The following CTNNA2 variants were observed in gnomAD, a reference collection of about 807,000 sequenced individuals.
The protein encoded by CTNNA2 is catenin alpha 2, also known as catenin alpha-2.
In CTNNA2, 42 loss-of-function variants were observed where a neutral mutation model predicts 101.0. The observed-to-expected ratio is 0.42, with a 90% CI of 0.32 to 0.54. The LOEUF is 0.54. CTNNA2 is among the 20% of genes least tolerant of loss of function. The pLI, the probability that CTNNA2 is intolerant of heterozygous loss-of-function variation, is 0.14. For missense variants in CTNNA2, 871 were observed against 1,223.1 expected (o/e 0.71, Z 4.29); for synonymous variants, 450 against 456.4 (o/e 0.99, Z 0.18).
intron 3 of CTNNA2, among the ~76,000 whole-genome samples, chr2:79,323,322 G>A (rs965135690): frequency 1.3e-5 from 2 of 152,144 alleles, no homozygotes; most frequent in African/African-American, 4.8e-5. Flanking sequence ...TATTAAAGAT[G>A]AGAAAAGTGC....
chr2:79,476,808 C>G (rs576910678), intron 4 of CTNNA2, among the ~76,000 whole-genome samples: 3 of 152,200 alleles, frequency 2.0e-5, no homozygotes, highest in Non-Finnish European at 4.4e-5. Context: ...CTTTGCCATC[C>G]CATTCAGGTC....
At chr2:79,507,011 T>G (rs572316998) in intron 5 of CTNNA2, among the ~76,000 whole-genome samples, 31 of 152,300 alleles carry the variant, frequency 2.0e-4, no homozygotes, top group South Asian at 4.1e-4. Context: ...AAAGGGAATC[T>G]TGTATAAACA....
At chr2:79,543,899 C>T (rs1673570097) in intron 1 of CTNNA2, among the ~76,000 whole-genome samples, 1 of 152,116 alleles carries the variant, frequency 6.6e-6, no homozygotes, top group South Asian at 2.1e-4. Flanking sequence ...AACAAGTATT[C>T]TTGGACAAGG....
intron 8 of CTNNA2, among the ~76,000 whole-genome samples, chr2:80,413,799 A>G (rs1188715090): frequency 1.3e-5 from 2 of 152,232 alleles, no homozygotes; most frequent in Non-Finnish European, 2.9e-5. Flanking sequence ...TGGAGCAGCC[A>G]TATTCATGGA....
intron 3 of CTNNA2, among the ~76,000 whole-genome samples, chr2:79,343,313 A>G (rs1231264784): frequency 6.6e-6 from 1 of 152,210 alleles, no homozygotes; most frequent in African/African-American, 2.4e-5. Flanking sequence ...TAGGATATTT[A>G]TCCCACAAAT....
chr2:80,566,412 C>T (rs557482118), intron 12 of CTNNA2, among the ~76,000 whole-genome samples: 4 of 152,256 alleles, frequency 2.6e-5, no homozygotes, highest in Admixed American at 2.0e-4. Flanking sequence ...TGGGGGCCCT[C>T]TCAGAGGCAT....
intron 12 of CTNNA2, among the ~76,000 whole-genome samples, chr2:80,561,342 A>G (rs1693573020): frequency 1.3e-5 from 2 of 152,220 alleles, no homozygotes; most frequent in Admixed American, 1.3e-4. Context: ...TAGATAACGT[A>G]TAATTTGTCT....
intron 9 of CTNNA2, among the ~76,000 whole-genome samples, chr2:80,449,274 C>G (rs1222243994): frequency 6.6e-6 from 1 of 151,414 alleles, no homozygotes; most frequent in African/African-American, 2.4e-5. Context: ...GAGCAAGACC[C>G]TGGTCTCTAA....
intron 1 of CTNNA2, among the ~76,000 whole-genome samples, chr2:79,529,666 G>A (rs949509893): frequency 3.3e-5 from 5 of 151,510 alleles, no homozygotes; most frequent in Admixed American, 6.6e-5. Context: ...TACCTCTGAA[G>A]TCAAGAAAGT....
intron 7 of CTNNA2, among the ~76,000 whole-genome samples, chr2:79,963,416 G>A (rs935189476): frequency 5.9e-5 from 9 of 152,142 alleles, no homozygotes; most frequent in Non-Finnish European, 1.0e-4. Context: ...AGACAAATAC[G>A]ATGTATACAT....
chr2:79,936,322 A>T (rs1017158680), intron 7 of CTNNA2, among the ~76,000 whole-genome samples: 1 of 151,978 alleles, frequency 6.6e-6, no homozygotes, highest in Non-Finnish European at 1.5e-5. Context: ...TAAAGGTACA[A>T]AGTTTATCTA....
intron 2 of CTNNA2, among the ~76,000 whole-genome samples, chr2:79,248,740 T>A (rs1339191157): frequency 6.6e-6 from 1 of 152,204 alleles, no homozygotes; most frequent in East Asian, 1.9e-4. Flanking sequence ...ACCCTGGCAA[T>A]GATACATAGC....
At chr2:79,822,779 G>A (rs575386561) in intron 3 of CTNNA2, among the ~76,000 whole-genome samples, 103 of 152,204 alleles carry the variant, frequency 6.8e-4, no homozygotes, top group Non-Finnish European at 1.1e-3. Context: ...TATCTGGCCT[G>A]CAGATTTAAA....
intron 7 of CTNNA2, among the ~76,000 whole-genome samples, chr2:80,327,802 C>T (rs1283287286): frequency 6.6e-6 from 1 of 152,094 alleles, no homozygotes; most frequent in Admixed American, 6.6e-5. Flanking sequence ...CTATCTGCAC[C>T]CCTGCTTTGA....
chr2:80,579,570 T>A (rs954178096), intron 13 of CTNNA2: 2 of 152,216 alleles, frequency 1.3e-5, no homozygotes, highest in Admixed American at 6.5e-5. Context: ...CTCTGCCTAC[T>A]GTAGCCCTGC....
intron 2 of CTNNA2, among the ~76,000 whole-genome samples, chr2:79,709,644 T>G (rs13034953): frequency 3.0e-4 from 45 of 152,082 alleles, no homozygotes; most frequent in Admixed American, 5.9e-4. Flanking sequence ...TGAGCAGGAG[T>G]GACTACTGCA....
chr2:79,479,972 G>A (rs995356388), intron 4 of CTNNA2, among the ~76,000 whole-genome samples: 5 of 152,114 alleles, frequency 3.3e-5, no homozygotes, highest in Non-Finnish European at 7.4e-5. Flanking sequence ...AAAGAAAAGA[G>A]GTTTATTTGG....
At chr2:80,020,714 G>T (rs937740590) in intron 7 of CTNNA2, among the ~76,000 whole-genome samples, 57 of 152,050 alleles carry the variant, frequency 3.7e-4, no homozygotes, top group African/African-American at 1.3e-3. Flanking sequence ...TCGTCTTTTG[G>T]TTTCTTTGTA....
intron 18 of CTNNA2, among the ~76,000 whole-genome samples, chr2:80,626,617 G>A (rs1227500289): frequency 6.6e-6 from 1 of 152,068 alleles, no homozygotes; most frequent in Non-Finnish European, 1.5e-5. Flanking sequence ...TATTAGATGA[G>A]CAACCAAGAC....
Sources: allele counts gnomAD v4.1 joint callset (sites outside exome capture counted in the v4.1 genomes callset), GRCh38; gene constraint gnomAD v4.1.1; transcripts MANE v1.5; gene names NCBI Gene and HGNC (gene_info 2026-07-23, HGNC 2026-07-21).